CPNE3: variants seen among roughly 807,000 people sequenced by gnomAD.
The protein encoded by CPNE3 is copine-3.
Under a neutral mutation model 63.9 loss-of-function variants are expected in CPNE3, and 68 were observed. The observed-to-expected ratio is 1.06, with a 90% confidence interval of 0.87 to 1.30. CPNE3 has a LOEUF of 1.30. Among genes scored for constraint, CPNE3 ranks in the 50% most tolerant of loss-of-function variants. The pLI is 0.00. For missense variants in CPNE3, 665 were observed against 578.1 expected (o/e 1.15, Z -1.54); for synonymous variants, 219 against 197.5 (o/e 1.11, Z -0.91).
At chr8:86,526,198 A>G (rs1223564692) in intron 2 of CPNE3, among the ~76,000 whole-genome samples, 1 of 151,966 alleles carries the variant, frequency 6.6e-6, no homozygotes, top group African/African-American at 2.4e-5. Flanking sequence ...ACTGCAGTAC[A>G]GCCTGGACGA....
intron 12 of CPNE3, among the ~76,000 whole-genome samples, chr8:86,548,639 T>A (rs1168516917): frequency 1.3e-5 from 2 of 152,170 alleles, no homozygotes; most frequent in East Asian, 3.9e-4. Context: ...TGATTAGTTA[T>A]CATATATGGC....
intron 14 of CPNE3, 116 bp downstream of exon 14, chr8:86,551,350 T>C (rs965393849): frequency 2.7e-6 from 2 of 733,994 alleles, no homozygotes; most frequent in Non-Finnish European, 4.5e-6. Context: ...ATTTCATCTC[T>C]AGGTTTCATT....
intron 8 of CPNE3, among the ~76,000 whole-genome samples, chr8:86,541,682 G>C (rs1274080438): frequency 1.3e-5 from 2 of 149,954 alleles, no homozygotes; most frequent in African/African-American, 4.9e-5. Context: ...CTCCAGCCTG[G>C]GTGATGGAGT....
intron 8 of CPNE3, 45 bp downstream of exon 8, chr8:86,540,379 G>C (rs1022331724): frequency 1.1e-6 from 1 of 903,478 alleles, no homozygotes; most frequent in Non-Finnish European, 1.6e-6. Flanking sequence ...ATATACCCAT[G>C]TTCACCTATT....
chr8:86,519,228 C>G (rs369222755), intron 2 of CPNE3, among the ~76,000 whole-genome samples: 5 of 152,206 alleles, frequency 3.3e-5, no homozygotes, highest in African/African-American at 1.2e-4. Context: ...GTTAAGTAAA[C>G]TTTGTAGCCA....
At chr8:86,518,262 A>G (rs1020374197) in intron 2 of CPNE3, among the ~76,000 whole-genome samples, 1 of 152,306 alleles carries the variant, frequency 6.6e-6, no homozygotes, top group Admixed American at 6.5e-5. Context: ...ACACCAGGGC[A>G]GGTGAGAGGT....
At chr8:86,552,359 G>A (rs905303508) in intron 14 of CPNE3, among the ~76,000 whole-genome samples, 1 of 152,112 alleles carries the variant, frequency 6.6e-6, no homozygotes, top group Non-Finnish European at 1.5e-5. Flanking sequence ...GTGACTGGTT[G>A]TGACCTCTTT....
chr8:86,524,355 T>C (rs1358162524), intron 2 of CPNE3, among the ~76,000 whole-genome samples: 2 of 152,170 alleles, frequency 1.3e-5, no homozygotes, highest in South Asian at 4.1e-4. Context: ...TCTCAGCTCC[T>C]TATGTTTATC....
intron 2 of CPNE3, among the ~76,000 whole-genome samples, chr8:86,526,881 CTATT>C (rs775035339): frequency 5.3e-5 from 8 of 152,098 alleles, no homozygotes; most frequent in Non-Finnish European, 1.2e-4. Flanking sequence ...TTCTTAGTCT[CTATT>C]TATTTAGGAA....
intron 7 of CPNE3, among the ~76,000 whole-genome samples, chr8:86,538,810 G>T (rs915208789): frequency 6.6e-6 from 1 of 152,152 alleles, no homozygotes. Context: ...CAGCATTGAT[G>T]ATGTCATGCT....
In CPNE3 at chr8:86,537,485, A is replaced by G. The variant is rs1820824820; in HGVS notation, c.460-78A>G. ...AGTTAGACTTCAGGTGGTTGCCAAC[A>G]TGTGTAAAGTATGGTCACACATGGT... On this transcript the variant is annotated intron_variant, in intron 6 of 16. Coordinates refer to ENST00000517490, the MANE Select transcript of CPNE3 (RefSeq NM_003909.5). 2.9e-5 allele frequency: 25 copies of G among 858,724 alleles called. No individual in the cohort carries two copies. In the South Asian group the frequency reaches 3.0e-4, roughly 10 times the overall value. The allele number at this position is 858,724 out of a possible 1,614,324, so 53.2% of individuals were successfully genotyped here.
Position 86,560,435 on chromosome 8 carries a change from C to T in CPNE3, c.*2025C>T, listed in dbSNP as rs1044728. ...ATATCCTCCTTCTCCTTAACCAGCT[C>T]CACAGCAGCCCCTGAGTCACCTGCA... On this transcript the variant is annotated 3_prime_UTR_variant, in exon 17 of 17. Transcript: ENST00000517490. 0.32 allele frequency: 47,944 copies of T among 152,028 alleles called. 8,052 individuals carry two copies. Among genetic ancestry groups the T allele is most frequent in the Admixed American group, 0.48 (7,282 of 15,264 alleles). The allele number at this position is 152,028 out of a possible 1,614,324, so 9.4% of individuals were successfully genotyped here.
chr8:86,514,662 G>T (rs935106772), intron 1 of CPNE3, 121 bp downstream of exon 1: 16 of 152,196 alleles, frequency 1.1e-4, no homozygotes, highest in African/African-American at 3.6e-4. Flanking sequence ...CGTGCGGCAG[G>T]TCCCGCCGGG....
At chr8:86,525,650 C>T (rs1165504264) in intron 2 of CPNE3, among the ~76,000 whole-genome samples, 1 of 152,258 alleles carries the variant, frequency 6.6e-6, no homozygotes, top group Non-Finnish European at 1.5e-5. Context: ...AAATAATGCT[C>T]TTCTGATATG....
chr8:86,544,555 GA>G (rs1260560086), intron 8 of CPNE3, among the ~76,000 whole-genome samples, 184 bp from the exon 9 acceptor site: 2 of 152,112 alleles, frequency 1.3e-5, no homozygotes, highest in African/African-American at 4.8e-5. Context: ...GCTGGGGTTT[GA>G]AAGTGTTTCA....
In CPNE3 at chr8:86,531,292, G is replaced by A. The variant is rs1820678596; in HGVS notation, c.387+63G>A. 1.2e-5 allele frequency: 10 copies of A among 803,906 alleles called. No homozygotes were observed. The Admixed American group carries it at 1.8e-4, about 14-fold the overall frequency. The allele number at this position is 803,906 out of a possible 1,614,324, so 49.8% of individuals were successfully genotyped here. On this transcript the variant is annotated intron_variant, in intron 5 of 16. Transcript: ENST00000517490. ...TAGCATAACAGGACATGCCGAAACTGTCCATATCAGAGAAATATTCTACAG... is the reference window on the plus strand; with the variant it reads ...TAGCATAACAGGACATGCCGAAACTATCCATATCAGAGAAATATTCTACAG...
chr8:86,548,513 C>T (rs1319543956), intron 12 of CPNE3, 79 bp downstream of exon 12: 5 of 1,560,918 alleles, frequency 3.2e-6, no homozygotes, highest in Non-Finnish European at 4.4e-6. Context: ...TCGGCTAGCA[C>T]TCTGATATAG....
intron 10 of CPNE3, 62 bp from the exon 11 acceptor site, chr8:86,547,649 G>T: frequency 1.3e-6 from 1 of 761,840 alleles, no homozygotes; most frequent in South Asian, 1.6e-5. Flanking sequence ...ATATGCCAAA[G>T]AGTTTTTTGC....
chr8:86,531,269 G>A, intron 5 of CPNE3, 40 bp downstream of exon 5: 1 of 881,480 alleles, frequency 1.1e-6, no homozygotes, highest in South Asian at 1.3e-5. Flanking sequence ...AAAAGATTTA[G>A]CATAACAGGA....
Sources: allele counts gnomAD v4.1 joint callset (sites outside exome capture counted in the v4.1 genomes callset), GRCh38; gene constraint gnomAD v4.1.1; transcripts MANE v1.5; gene names NCBI Gene and HGNC (gene_info 2026-07-23, HGNC 2026-07-21).